The following LRRC37A2 variants were observed in gnomAD, a reference collection of about 807,000 sequenced individuals.
The protein encoded by LRRC37A2 is leucine-rich repeat-containing protein 37A2.
Under a neutral mutation model 68.8 loss-of-function variants are expected in LRRC37A2, and 9 were observed. The ratio of observed to expected loss-of-function variants is 0.13; its 90% CI spans 0.08 to 0.23. LRRC37A2 has a LOEUF of 0.23. LRRC37A2 is among the 10% of genes least tolerant of loss of function. The pLI, the probability that LRRC37A2 is intolerant of heterozygous loss-of-function variation, is 1.00. For synonymous variants in LRRC37A2, 63 were observed against 367.6 expected (o/e 0.17, Z 9.48); for missense variants, 168 against 950.4 (o/e 0.18, Z 10.82).
chr17:46,851,960 C>T, the LRRC37A2 span, among the ~76,000 whole-genome samples: 4 of 152,188 alleles, frequency 2.6e-5, no homozygotes, highest in Non-Finnish European at 5.9e-5. The surrounding 1 kb of genome is among the most constrained non-coding windows in gnomAD (Gnocchi z 4.3). Flanking sequence ...GCCCCCCAGC[C>T]GCCGCTCTCC....
the LRRC37A2 span, among the ~76,000 whole-genome samples, chr17:47,014,571 C>T: frequency 1.3e-5 from 2 of 151,668 alleles, no homozygotes. Flanking sequence ...TTCCTAAAGT[C>T]TTGACCCTTG....
chr17:46,424,978 GGAT>G, the LRRC37A2 span, among the ~76,000 whole-genome samples: 2,343 of 82,640 alleles, frequency 0.028, 172 homozygotes, highest in African/African-American at 0.077. Context: ...GAAGTCTTTA[GGAT>G]GATTTCAGAC....
the LRRC37A2 span, chr17:47,017,172 G>C: frequency 1.2e-6 from 2 of 1,606,822 alleles, no homozygotes; most frequent in African/African-American, 2.7e-5. Flanking sequence ...CAAGGGGCAC[G>C]AGTGTCTCGG....
At chr17:46,704,704 C>G in the LRRC37A2 span, 5 of 1,579,536 alleles carry the variant, frequency 3.2e-6, no homozygotes, top group Non-Finnish European at 4.3e-6. Flanking sequence ...TGAATATATT[C>G]TTAACTATTC....
chr17:46,732,048 T>C, the LRRC37A2 span, among the ~76,000 whole-genome samples: 1 of 152,226 alleles, frequency 6.6e-6, no homozygotes, highest in Non-Finnish European at 1.5e-5. Context: ...TTCAGATGTT[T>C]TTAATTAAAT....
chr17:46,735,384 G>T, the LRRC37A2 span, among the ~76,000 whole-genome samples: 1 of 151,496 alleles, frequency 6.6e-6, no homozygotes, highest in Non-Finnish European at 1.5e-5. Flanking sequence ...GGATTATAAC[G>T]TCGTAGTAGT....
the LRRC37A2 span, among the ~76,000 whole-genome samples, chr17:46,711,994 C>T: frequency 2.6e-5 from 4 of 152,150 alleles, no homozygotes; most frequent in African/African-American, 9.7e-5. Context: ...AAGATTTAAA[C>T]TATCTTAGGG....
At chr17:46,876,593 G>C in the LRRC37A2 span, 1 of 1,613,336 alleles carries the variant, frequency 6.2e-7, no homozygotes. Context: ...CCTGTGCTGC[G>C]GGCGGGGCTA....
chr17:46,991,161 A>G, the LRRC37A2 span, among the ~76,000 whole-genome samples: 1 of 152,196 alleles, frequency 6.6e-6, no homozygotes, highest in Non-Finnish European at 1.5e-5. Flanking sequence ...TATAGTCATC[A>G]TCTTCTGAGA....
chr17:46,943,661 C>T, the LRRC37A2 span, among the ~76,000 whole-genome samples: 4 of 152,226 alleles, frequency 2.6e-5, no homozygotes, highest in Non-Finnish European at 4.4e-5. Context: ...AGCACTTGAG[C>T]CCATCCCCCA....
the LRRC37A2 span, among the ~76,000 whole-genome samples, chr17:46,814,503 C>G: frequency 6.6e-6 from 1 of 152,104 alleles, no homozygotes; most frequent in South Asian, 2.1e-4. Context: ...CCCGCCATAT[C>G]CCCCCCAGGG....
intron 2 of LRRC37A2, among the ~76,000 whole-genome samples, chr17:46,516,109 G>GCTA (rs1259363943): frequency 1.4e-5 from 2 of 145,926 alleles, no homozygotes; most frequent in East Asian, 4.0e-4. Context: ...GACCATCCTG[G>GCTA]CTAACATGGT....
chr17:46,499,339 G>GGA, the LRRC37A2 span, among the ~76,000 whole-genome samples: 5 of 139,486 alleles, frequency 3.6e-5, no homozygotes, highest in South Asian at 2.6e-4. Flanking sequence ...AAAAAAAGGT[G>GGA]GGGGGACAAT....
chr17:46,801,462 A>C, the LRRC37A2 span, among the ~76,000 whole-genome samples: 164 of 152,248 alleles, frequency 1.1e-3, no homozygotes, highest in Middle Eastern at 6.8e-3. Context: ...TCTACTAAAA[A>C]TAGAAAAATT....
the LRRC37A2 span, among the ~76,000 whole-genome samples, chr17:46,724,608 T>C: frequency 1.3e-5 from 2 of 152,240 alleles, no homozygotes; most frequent in South Asian, 4.1e-4. Flanking sequence ...CCGTATCATC[T>C]TGTATTTCCC....
the LRRC37A2 span, chr17:46,818,763 C>G: frequency 1.5e-5 from 11 of 724,804 alleles, no homozygotes; most frequent in Non-Finnish European, 2.1e-5. Context: ...GCGGAGCAGC[C>G]GGGTTTGAGG....
the LRRC37A2 span, among the ~76,000 whole-genome samples, chr17:46,741,409 C>T: frequency 6.6e-6 from 1 of 151,994 alleles, no homozygotes; most frequent in East Asian, 1.9e-4. Context: ...ATCATGAATT[C>T]CCCCCCTTAT....
intron 11 of LRRC37A2, among the ~76,000 whole-genome samples, chr17:46,551,490 CTG>C (rs1172287330): frequency 6.8e-6 from 1 of 146,036 alleles, no homozygotes; most frequent in East Asian, 2.0e-4. Flanking sequence ...CTGCTTTTGT[CTG>C]TGTGTTTGTC....
chr17:46,755,674 C>T, the LRRC37A2 span: 1 of 1,031,852 alleles, frequency 9.7e-7, no homozygotes, highest in East Asian at 2.5e-5. Flanking sequence ...CATCTAATAG[C>T]AAATGCATAG....
Sources: gnomAD v4.1 joint callset for allele counts (sites outside exome capture counted in the v4.1 genomes callset) on GRCh38, gnomAD v4.1.1 for gene constraint, Gnocchi (gnomAD v3.1) non-coding constraint, MANE v1.5 for transcripts, NCBI Gene and HGNC (gene_info 2026-07-23, HGNC 2026-07-21) for gene names.